Variants in GPHN observed in about 807,000 individuals in gnomAD.
GPHN encodes the protein gephyrin.
A neutral mutation model predicts 95.5 loss-of-function variants in GPHN; 17 were observed. That is an observed-to-expected ratio of 0.18 (90% CI 0.12 to 0.27). GPHN has a LOEUF of 0.27. Among genes scored for constraint, GPHN ranks in the 10% least tolerant of loss-of-function variants. The pLI, the probability that GPHN is intolerant of heterozygous loss-of-function variation, is 1.00. For synonymous variants in GPHN, 320 were observed against 322.5 expected (o/e 0.99, Z 0.08); for missense variants, 660 against 978.1 (o/e 0.67, Z 4.34).
At chr14:66,949,993 G>GAAAAAAAAAAAAAAAAA (rs71129809) in intron 8 of GPHN, among the ~76,000 whole-genome samples, 1 of 57,814 alleles carries the variant, frequency 1.7e-5, no homozygotes, top group Non-Finnish European at 3.9e-5. Flanking sequence ...TTTAGGACAG[G>GAAAAAAAAAAAAAAAAA]AAAAAAAAAA....
chr14:66,820,695 A>G (rs770794185), intron 3 of GPHN, among the ~76,000 whole-genome samples: 1 of 152,168 alleles, frequency 6.6e-6, no homozygotes, highest in Non-Finnish European at 1.5e-5. Context: ...TTTGGAGTCC[A>G]GAGTAGCATT....
intron 1 of GPHN, among the ~76,000 whole-genome samples, chr14:66,670,740 C>T (rs57905538): frequency 0.021 from 3,143 of 152,132 alleles, 32 homozygotes; most frequent in African/African-American, 0.033. Context: ...TGCAGTGAGC[C>T]GAGATCGCAC....
chr14:67,489,982 T>C, the GPHN span, among the ~76,000 whole-genome samples: 1 of 129,334 alleles, frequency 7.7e-6, no homozygotes, highest in African/African-American at 3.0e-5. Flanking sequence ...AGAGCGAGAC[T>C]CCGTCTCAAA....
At chr14:67,481,465 A>C in the GPHN span, among the ~76,000 whole-genome samples, 3 of 152,186 alleles carry the variant, frequency 2.0e-5, no homozygotes, top group Non-Finnish European at 4.4e-5. Flanking sequence ...TAGCTGGTCC[A>C]TGCAAGACCA....
the GPHN span, among the ~76,000 whole-genome samples, chr14:67,287,716 T>C: frequency 6.6e-6 from 1 of 152,222 alleles, no homozygotes; most frequent in South Asian, 2.1e-4. Flanking sequence ...TCTAAGGAAT[T>C]GGAAAATAGG....
At chr14:66,958,916 A>G (rs995045700) in intron 8 of GPHN, among the ~76,000 whole-genome samples, 1 of 151,724 alleles carries the variant, frequency 6.6e-6, no homozygotes, top group African/African-American at 2.4e-5. Flanking sequence ...CTCCTCTATT[A>G]CTTCCTTTTT....
chr14:67,685,104 A>G, the GPHN span: 4 of 1,614,186 alleles, frequency 2.5e-6, no homozygotes, highest in Non-Finnish European at 3.4e-6. Context: ...TCTTGATGAA[A>G]AAGGAGAAAA....
At chr14:67,052,012 A>AT (rs1273661462) in intron 10 of GPHN, among the ~76,000 whole-genome samples, 1 of 152,236 alleles carries the variant, frequency 6.6e-6, no homozygotes, top group Admixed American at 6.5e-5. Context: ...AACACACACT[A>AT]AAGTACACAG....
At chr14:66,581,809 A>T (rs2061187084) in intron 1 of GPHN, among the ~76,000 whole-genome samples, 2 of 152,024 alleles carry the variant, frequency 1.3e-5, no homozygotes, top group South Asian at 4.1e-4. Context: ...AAAAGGTCAT[A>T]TAATGTAAAG....
At chr14:67,198,277 C>T in the GPHN span, 2 of 1,613,824 alleles carry the variant, frequency 1.2e-6, no homozygotes, top group South Asian at 1.1e-5. Context: ...GGAGAGTATG[C>T]CCCTTTTGTA....
rs189859456 is a variant in GPHN at position 66,537,646 on chromosome 14, T to C, written c.64+29055T>C. Among the ~76,000 whole-genome samples the C allele has an allele frequency of 7.6e-4, 116 of 152,354 alleles. 1 individual carries two copies. Among genetic ancestry groups the C allele is most frequent in the Admixed American group, 7.5e-3 (114 of 15,296 alleles). ...ACATGTGTACCCTTTCTAATGCTCA[T>C]AATTCATTTTTACAGTTCTTTGCTA... On this transcript the variant is annotated intron_variant, in intron 1 of 22. Coordinates refer to ENST00000478722, the MANE Select transcript of GPHN (RefSeq NM_020806.5).
the GPHN span, chr14:67,279,014 T>G: frequency 1.5e-6 from 1 of 686,516 alleles, no homozygotes; most frequent in South Asian, 3.2e-5. Flanking sequence ...ATCTTTCCCC[T>G]TAGATTTCCT....
chr14:67,460,062 A>C, the GPHN span, among the ~76,000 whole-genome samples: 3 of 152,248 alleles, frequency 2.0e-5, no homozygotes, highest in South Asian at 6.2e-4. Context: ...ATCAGGTACC[A>C]AAATGGGAGA....
chr14:67,315,179 G>A, the GPHN span, among the ~76,000 whole-genome samples: 1 of 150,602 alleles, frequency 6.6e-6, no homozygotes, highest in Non-Finnish European at 1.5e-5. Flanking sequence ...TGCCACAGAA[G>A]TACATCATTG....
At chr14:67,634,342 C>G in the GPHN span, among the ~76,000 whole-genome samples, 2 of 151,124 alleles carry the variant, frequency 1.3e-5, no homozygotes, top group African/African-American at 4.9e-5. Context: ...CCTGTAACCC[C>G]AGCACTTTGG....
In GPHN at chr14:66,744,575, T is replaced by C. The variant is rs374674888; in HGVS notation, c.144-31889T>C. Among the ~76,000 whole-genome samples, 535 of 152,338 alleles carry C rather than the reference T, an allele frequency of 3.5e-3. 1 individual carries two copies. The highest frequency in any genetic ancestry group is 0.012 in the African/African-American group (497 of 41,580). On this transcript the variant is annotated intron_variant, in intron 2 of 22. Coordinates refer to ENST00000478722, the MANE Select transcript of GPHN (RefSeq NM_020806.5). ...TTGCATTTCTTACACCTTGAAAGAA[T>C]GTTGATAAATTTCCTTATACAAGTA...
At position 66,898,159 on chromosome 14, in the gene GPHN, T is replaced by C. The variant is rs539896815; in HGVS notation, c.390-17844T>C. Among the ~76,000 whole-genome samples, 5 of 152,062 alleles carry C rather than the reference T, an allele frequency of 3.3e-5. No homozygotes were observed. The South Asian group carries it at 8.3e-4, about 25-fold the overall frequency. On this transcript the variant is annotated intron_variant, in intron 5 of 22. Transcript: ENST00000478722. ...GTTTTCTCCCAGTCAATACATTGTC[T>C]TTTTTCCTCTTCACAGTGTCATTCA...
the GPHN span, among the ~76,000 whole-genome samples, chr14:67,195,640 T>C: frequency 6.6e-6 from 1 of 152,070 alleles, no homozygotes; most frequent in African/African-American, 2.4e-5. Context: ...AATTATAAGA[T>C]ATATTATTAT....
At chr14:66,851,602 G>A (rs1212443800) in intron 4 of GPHN, among the ~76,000 whole-genome samples, 3 of 152,068 alleles carry the variant, frequency 2.0e-5, no homozygotes, top group East Asian at 1.9e-4. Context: ...GGCTGAAACC[G>A]TTAAGTTGAC....
Sources: gnomAD v4.1 joint callset for allele counts (sites outside exome capture counted in the v4.1 genomes callset) on GRCh38, gnomAD v4.1.1 for gene constraint, MANE v1.5 for transcripts, NCBI Gene and HGNC (gene_info 2026-07-23, HGNC 2026-07-21) for gene names.